Variants in ANO4 observed in about 807,000 individuals in gnomAD.
The protein encoded by ANO4 is anoctamin-4.
Under a neutral mutation model 141.9 loss-of-function variants are expected in ANO4, and 69 were observed. That is an observed-to-expected ratio of 0.49 (90% confidence interval 0.40 to 0.59). ANO4 has a LOEUF of 0.59. Among genes scored for constraint, ANO4 ranks in the 20% least tolerant of loss-of-function variants. The probability of loss-of-function intolerance (pLI) is 0.00; values close to 1 mark genes in which losing one functional copy is unlikely to be tolerated. For synonymous variants in ANO4, 350 were observed against 394.3 expected (o/e 0.89, Z 1.33); for missense variants, 894 against 1,162.2 (o/e 0.77, Z 3.36).
chr12:100,777,038 A>G (rs2033534131), intron 3 of ANO4, among the ~76,000 whole-genome samples: 1 of 152,048 alleles, frequency 6.6e-6, no homozygotes, highest in South Asian at 2.1e-4. Context: ...CAGCTAAGGA[A>G]GATGAAGAAA....
At chr12:100,884,020 A>G (rs2039697516) in intron 1 of ANO4, among the ~76,000 whole-genome samples, 3 of 152,238 alleles carry the variant, frequency 2.0e-5, no homozygotes. Context: ...AAATTAGTCA[A>G]GATCAGCTTT....
At chr12:100,776,464 G>A (rs1198905307) in intron 3 of ANO4, among the ~76,000 whole-genome samples, 1 of 152,168 alleles carries the variant, frequency 6.6e-6, no homozygotes, top group African/African-American at 2.4e-5. Flanking sequence ...TGAGAGGGTT[G>A]CATTTCAGTT....
intron 3 of ANO4, among the ~76,000 whole-genome samples, chr12:100,935,563 A>G (rs1167113019): frequency 6.6e-6 from 1 of 152,176 alleles, no homozygotes; most frequent in Non-Finnish European, 1.5e-5. Flanking sequence ...AGTCTAAGGA[A>G]GGTGATGGGA....
At chr12:101,096,433 A>G in intron 18 of ANO4, 103 bp from the exon 19 acceptor site, 1 of 870,298 alleles carries the variant, frequency 1.1e-6, no homozygotes, top group Non-Finnish European at 1.9e-6. Flanking sequence ...CAGCCTCCTC[A>G]GGACTCCTGC....
At chr12:101,068,715 A>C in intron 14 of ANO4, 1 of 1,294,668 alleles carries the variant, frequency 7.7e-7, no homozygotes, top group Non-Finnish European at 1.1e-6. Flanking sequence ...AAGCTGACAA[A>C]ATGACCAGAT....
intron 14 of ANO4, 101 bp downstream of exon 14, chr12:101,048,502 A>G (rs1279452117): frequency 1.1e-5 from 12 of 1,062,112 alleles, no homozygotes; most frequent in East Asian, 2.4e-5. Flanking sequence ...AAGCTTGAGT[A>G]AATGGAATTA....
chr12:100,730,037 C>A (rs1223185179), intron 1 of ANO4, among the ~76,000 whole-genome samples: 2 of 150,290 alleles, frequency 1.3e-5, no homozygotes, highest in Non-Finnish European at 3.0e-5. Flanking sequence ...GCTTATAAAT[C>A]TCTCTCTCTC....
intron 2 of ANO4, among the ~76,000 whole-genome samples, chr12:100,917,215 C>T (rs2041384329): frequency 6.6e-6 from 1 of 151,896 alleles, no homozygotes; most frequent in Admixed American, 6.6e-5. Context: ...AATGTGTTTC[C>T]ACATATTTAG....
chr12:100,901,504 G>A (rs2094095339), intron 1 of ANO4, 142 bp from the exon 2 acceptor site: 1 of 472,756 alleles, frequency 2.1e-6, no homozygotes. Flanking sequence ...GGTAACTAAG[G>A]ATGTCTACTT....
chr12:100,978,112 A>AGCTCTCTACCTGGGTGGTATT (rs2044287426), intron 7 of ANO4, among the ~76,000 whole-genome samples: 1 of 152,168 alleles, frequency 6.6e-6, no homozygotes, highest in African/African-American at 2.4e-5. Context: ...GCTGTAATCT[A>AGCTCTCTACCTGGGTGGTATT]TGATGTAGGT....
At chr12:100,968,906 T>C (rs371855962) in intron 5 of ANO4, among the ~76,000 whole-genome samples, 27 of 152,300 alleles carry the variant, frequency 1.8e-4, no homozygotes, top group Admixed American at 1.2e-3. Flanking sequence ...CACATACCCC[T>C]AACTACTTAG....
chr12:101,052,576 T>C (rs2047919444), intron 14 of ANO4, among the ~76,000 whole-genome samples: 1 of 152,150 alleles, frequency 6.6e-6, no homozygotes, highest in Non-Finnish European at 1.5e-5. Context: ...TCCACAAAGC[T>C]CTTTAATCAA....
At chr12:100,958,097 T>A (rs912751326) in intron 5 of ANO4, among the ~76,000 whole-genome samples, 7 of 152,196 alleles carry the variant, frequency 4.6e-5, no homozygotes, top group Admixed American at 3.9e-4. Flanking sequence ...GCACCTGAAT[T>A]CTCTCACTCC....
chr12:100,953,870 A>G (rs2043073521), intron 5 of ANO4, among the ~76,000 whole-genome samples: 1 of 149,042 alleles, frequency 6.7e-6, no homozygotes, highest in African/African-American at 2.6e-5. Context: ...TAAGTGGAGT[A>G]ACTGAATGGG....
chr12:101,020,203 TG>T lies in ANO4; in HGVS notation c.841+65del, dbSNP rs2046465634. On this transcript the variant is annotated intron_variant, in intron 9 of 27. Transcript: ENST00000392977. ...TTTGGGAATTACAGACTTCTTCCCT[TG>T]GTTTTATTAAGTTTGTATCAATTCT... 4 of 1,173,522 alleles carry T rather than the reference TG, an allele frequency of 3.4e-6. No homozygotes were observed. The East Asian group carries it at 9.5e-5, about 28-fold the overall frequency. 72.7% of individuals were successfully genotyped at this position (1,173,522 alleles called of 1,614,324 possible). A position where few individuals can be genotyped will look rare whatever the true frequency, so the allele number is the denominator to read the frequency against.
chr12:101,042,552 G>A, intron 12 of ANO4, 84 bp downstream of exon 12: 2 of 1,547,662 alleles, frequency 1.3e-6, no homozygotes, highest in Non-Finnish European at 1.8e-6. Flanking sequence ...ACAGATTGTG[G>A]AGACATTTAG....
chr12:101,072,156 TTC>T lies in ANO4; in HGVS notation c.1313-7036_1313-7035del, dbSNP rs540462954. Among the ~76,000 whole-genome samples the T allele has an allele frequency of 9.2e-5, 14 of 152,290 alleles. No individual in the cohort carries two copies. In the East Asian group the frequency reaches 2.7e-3, roughly 29 times the overall value. ...TGGCAGATGGTTTTCCTTATGATCT[TTC>T]ATATGGGTGGATGAGTTCCTTCCAT... is the stretch of plus-strand genomic sequence containing the variant. On this transcript the variant is annotated intron_variant, in intron 14 of 27. Transcript: ENST00000392977.
At chr12:101,008,901 C>A (rs115165386) in intron 8 of ANO4, among the ~76,000 whole-genome samples, 3,114 of 152,168 alleles carry the variant, frequency 0.02, 126 homozygotes, top group African/African-American at 0.071. Context: ...CCAAGGATAT[C>A]CTAGGATTCT....
chr12:100,806,549 T>G (rs1466472423), intron 1 of ANO4, among the ~76,000 whole-genome samples: 6 of 61,722 alleles, frequency 9.7e-5, no homozygotes, highest in Non-Finnish European at 1.8e-4. Context: ...TTTTTTTTTT[T>G]TTTTTTTTTT....
Sources: gnomAD v4.1 joint callset for allele counts (sites outside exome capture counted in the v4.1 genomes callset) on GRCh38, gnomAD v4.1.1 for gene constraint, MANE v1.5 for transcripts, NCBI Gene and HGNC (gene_info 2026-07-23, HGNC 2026-07-21) for gene names.